The following PPP1R12B variants were observed in gnomAD, a reference collection of about 807,000 sequenced individuals.
PPP1R12B encodes myosin phosphatase target subunit 2.
PPP1R12B carries 76 observed loss-of-function variants against 126.1 expected under a neutral mutation model. The ratio of observed to expected loss-of-function variants is 0.60; its 90% CI spans 0.50 to 0.73. The LOEUF (loss-of-function observed/expected upper bound fraction) is 0.73. Among genes scored for constraint, PPP1R12B ranks in the 30% least tolerant of loss-of-function variants. The pLI, the probability that PPP1R12B is intolerant of heterozygous loss-of-function variation, is 0.00. For synonymous variants in PPP1R12B, 356 were observed against 434.7 expected, an observed-to-expected ratio of 0.82 and a Z score of 2.25; for missense variants, 1,052 against 1,205.1, an observed-to-expected ratio of 0.87 and a Z score of 1.88.
intron 13 of PPP1R12B, among the ~76,000 whole-genome samples, chr1:202,457,453 C>T (rs1205806941): frequency 2.0e-5 from 3 of 150,992 alleles, no homozygotes; most frequent in South Asian, 2.1e-4. Flanking sequence ...CTAAGGAGGC[C>T]GAGGCAGGAG....
intron 18 of PPP1R12B, among the ~76,000 whole-genome samples, chr1:202,548,808 C>CTCTCTATA (rs1218548068): frequency 2.9e-4 from 21 of 72,962 alleles, no homozygotes; most frequent in South Asian, 1.2e-3. Context: ...CTCTCTCTCT[C>CTCTCTATA]TATATATATA....
chr1:202,456,324 C>G (rs551809274), intron 13 of PPP1R12B, among the ~76,000 whole-genome samples: 1 of 151,546 alleles, frequency 6.6e-6, no homozygotes, highest in East Asian at 1.9e-4. Context: ...TTTGAAAATA[C>G]GTTTAGGAGG....
Position 202,586,780 on chromosome 1 carries a change from C to T in PPP1R12B, c.*6220C>T, listed in dbSNP as rs1011148540. The T allele has an allele frequency of 4.6e-5, 7 of 152,270 alleles. No individual in the cohort carries two copies. The highest frequency in any genetic ancestry group is 2.0e-4 in the Admixed American group (3 of 15,292). 9.4% of individuals were successfully genotyped at this position (152,270 alleles called of 1,614,324 possible). On this transcript the variant is annotated 3_prime_UTR_variant, in exon 24 of 24. Coordinates refer to ENST00000608999, the MANE Select transcript of PPP1R12B (RefSeq NM_002481.4). Reference sequence around the variant, plus strand: ...ACCCAGTGTCCCGGAAGCCCTCCTTCGGGAGAACTGTAAGTAAGAGGTGGG... The same window carrying T: ...ACCCAGTGTCCCGGAAGCCCTCCTTTGGGAGAACTGTAAGTAAGAGGTGGG...
chr1:202,554,988 CGA>C (rs565999294), intron 18 of PPP1R12B, among the ~76,000 whole-genome samples: 2 of 152,058 alleles, frequency 1.3e-5, no homozygotes, highest in African/African-American at 4.8e-5. Flanking sequence ...CTAGGCCTCT[CGA>C]AAACCCTATG....
intron 18 of PPP1R12B, among the ~76,000 whole-genome samples, chr1:202,520,181 A>G (rs1682621340): frequency 6.6e-6 from 1 of 152,260 alleles, no homozygotes; most frequent in African/African-American, 2.4e-5. Flanking sequence ...GGTACATTAG[A>G]AGTTGTTCTA....
chr1:202,573,708 T>G (rs2149035424), intron 23 of PPP1R12B, among the ~76,000 whole-genome samples: 1 of 152,304 alleles, frequency 6.6e-6, no homozygotes, highest in East Asian at 1.9e-4. Flanking sequence ...TTAAAGTCTT[T>G]AAATGTCTTA....
chr1:202,531,277 A>T (rs1279545174), intron 18 of PPP1R12B, among the ~76,000 whole-genome samples: 2 of 152,250 alleles, frequency 1.3e-5, no homozygotes, highest in Admixed American at 6.5e-5. Flanking sequence ...ACTATCTTCC[A>T]ACTTGGCTGT....
rs182568931 is a variant in PPP1R12B, at chr1:202,508,202, C to T, written c.2490+11380C>T. 1.6e-3 allele frequency among the ~76,000 whole-genome samples: 248 copies of T among 152,260 alleles called. No homozygotes were observed. Among genetic ancestry groups the T allele is most frequent in the African/African-American group, 5.7e-3 (235 of 41,562 alleles). On this transcript the variant is annotated intron_variant, in intron 18 of 23. Transcript: ENST00000608999. The surrounding 1 kb of genome is among the most constrained non-coding windows in gnomAD (Gnocchi z 4.5). ...GCAAGTTCAAGGATCAGATAGCAGC[C>T]ATTTAGTGACATGAATCTCTTCGTA... is the stretch of plus-strand genomic sequence containing the variant.
At chr1:202,362,658 TG>T (rs199622907) in intron 1 of PPP1R12B, among the ~76,000 whole-genome samples, 2,292 of 150,276 alleles carry the variant, frequency 0.015, 64 homozygotes, top group African/African-American at 0.051. Context: ...CCAGGGTTTT[TG>T]TTTTTTTTTT....
chr1:202,504,898 T>G (rs192455903), intron 18 of PPP1R12B, among the ~76,000 whole-genome samples: 5 of 152,350 alleles, frequency 3.3e-5, no homozygotes, highest in African/African-American at 1.2e-4. Flanking sequence ...GCTAATACAT[T>G]TAAATAGAGA....
intron 18 of PPP1R12B, among the ~76,000 whole-genome samples, chr1:202,512,121 A>G (rs1181294461): frequency 6.6e-6 from 1 of 152,242 alleles, no homozygotes; most frequent in African/African-American, 2.4e-5. Flanking sequence ...AAGTCACCTG[A>G]CTAGGCTCTA....
intron 13 of PPP1R12B, among the ~76,000 whole-genome samples, chr1:202,455,623 GA>G (rs1462393437): frequency 3.9e-5 from 6 of 152,120 alleles, no homozygotes; most frequent in Non-Finnish European, 7.4e-5. Flanking sequence ...TAAGTCAATG[GA>G]CACTTGAGTT....
At chr1:202,356,345 G>C (rs1012380376) in intron 1 of PPP1R12B, among the ~76,000 whole-genome samples, 10 of 152,234 alleles carry the variant, frequency 6.6e-5, no homozygotes, top group Admixed American at 2.6e-4. Flanking sequence ...AAAGAGGAAA[G>C]GGAGAAAACA....
chr1:202,354,559 C>A (rs1571529267), intron 1 of PPP1R12B, among the ~76,000 whole-genome samples: 1 of 151,930 alleles, frequency 6.6e-6, no homozygotes, highest in Admixed American at 6.6e-5. Flanking sequence ...CAGAGTGACA[C>A]CCTGTGTCTA....
At position 202,561,383 on chromosome 1, in the gene PPP1R12B, G is replaced by GTA. The variant is rs771800820; in HGVS notation, c.2508-1394_2508-1393insAT. On this transcript the variant is annotated intron_variant, in intron 19 of 23. Coordinates refer to ENST00000608999, the MANE Select transcript of PPP1R12B (RefSeq NM_002481.4). ...CAGGCATGTAATGGAGAAGACTGCA[G>GTA]TCTTTTTTTTTTTTTTAGTGAGGCA... Among the ~76,000 whole-genome samples, 195 of 147,366 alleles carry GTA rather than the reference G, an allele frequency of 1.3e-3. 1 individual carries two copies. Among genetic ancestry groups the GTA allele is most frequent in the Non-Finnish European group, 1.1e-3 (74 of 65,840 alleles).
intron 13 of PPP1R12B, among the ~76,000 whole-genome samples, chr1:202,452,550 G>C (rs899620218): frequency 4.6e-5 from 7 of 152,030 alleles, no homozygotes; most frequent in South Asian, 2.1e-4. Context: ...TAAAGAGGGA[G>C]AGGGAGACCG....
intron 22 of PPP1R12B, among the ~76,000 whole-genome samples, chr1:202,568,193 C>CA (rs1390795481): frequency 6.6e-6 from 1 of 151,974 alleles, no homozygotes; most frequent in Non-Finnish European, 1.5e-5. Context: ...CACACACACA[C>CA]ACACATCCAA....
At chr1:202,524,551 T>C (rs1464506803) in intron 18 of PPP1R12B, among the ~76,000 whole-genome samples, 1 of 152,152 alleles carries the variant, frequency 6.6e-6, no homozygotes, top group Admixed American at 6.5e-5. Flanking sequence ...CCAAAGTCCA[T>C]TGTATCACTG....
Position 202,349,044 on chromosome 1 carries a change from G to T in PPP1R12B, c.193G>T (p.Ala65Ser), listed in dbSNP as rs769671791. 6.2e-7 allele frequency: 1 copy of T among 1,613,594 alleles called. No individual in the cohort carries two copies. Among genetic ancestry groups the T allele is most frequent in the Non-Finnish European group, 8.5e-7 (1 of 1,179,850 alleles). Residue 65 changes from alanine (A) to serine (S), a missense_variant, in exon 1 of 24, where the codon GCC becomes TCC. By Grantham distance (99) the Ala-to-Ser change is moderately conservative (BLOSUM62 1). Coordinates refer to ENST00000608999, the MANE Select transcript of PPP1R12B (RefSeq NM_002481.4). Reference protein sequence around the residue: ...RFEDGAVFLAACSSGDTDEVR... With the variant: ...RFEDGAVFLASCSSGDTDEVR... ...CGAGGACGGTGCTGTCTTTCTGGCC[G>T]CCTGCTCTAGCGGGGACACCGACGA...
Sources: allele counts gnomAD v4.1 joint callset (sites outside exome capture counted in the v4.1 genomes callset), GRCh38; gene constraint gnomAD v4.1.1; non-coding constraint Gnocchi (gnomAD v3.1); transcripts MANE v1.5; gene names NCBI Gene and HGNC (gene_info 2026-07-23, HGNC 2026-07-21).